Variants in CENPL observed in about 807,000 individuals in gnomAD.
CENPL encodes centromere protein L.
Under a neutral mutation model 35.2 loss-of-function variants are expected in CENPL, and 20 were observed. The observed-to-expected ratio is 0.57, with a 90% CI of 0.40 to 0.83. The LOEUF (loss-of-function observed/expected upper bound fraction) is 0.83, where lower values mean the gene tolerates loss of function less well. CENPL is among the 40% of genes least tolerant of loss of function. The pLI is 0.00. For missense variants in CENPL, 363 were observed against 395.8 expected (o/e 0.92, Z 0.70); for synonymous variants, 140 against 140.6 (o/e 1.00, Z 0.03).
chr1:173,804,444 A>G (rs534075077), intron 4 of CENPL, among the ~76,000 whole-genome samples: 1 of 152,358 alleles, frequency 6.6e-6, no homozygotes, highest in Non-Finnish European at 1.5e-5. Context: ...ATTATTCTGC[A>G]TAGGAATCAT....
chr1:173,816,238 C>A (rs1261341133), intron 2 of CENPL, among the ~76,000 whole-genome samples: 1 of 152,072 alleles, frequency 6.6e-6, no homozygotes, highest in East Asian at 1.9e-4. Flanking sequence ...GAATCAATAT[C>A]GTGAAAATGG....
chr1:173,802,944 C>A lies in CENPL; in HGVS notation c.963+19G>T. 1.3e-6 allele frequency: 2 copies of A among 1,537,352 alleles called. No individual in the cohort carries two copies. Among genetic ancestry groups the A allele is most frequent in the Non-Finnish European group, 1.8e-6 (2 of 1,131,872 alleles). ...CATAAAACAAGGAAAAATTACTTAA[C>A]TAGATTGTTCAAACTAACCTTTATT... On this transcript the variant is annotated intron_variant, in intron 5 of 5. Coordinates refer to ENST00000682279, the MANE Select transcript of CENPL (RefSeq NM_001387287.1).
At chr1:173,819,420 G>A (rs556224569) in intron 2 of CENPL, among the ~76,000 whole-genome samples, 4 of 151,650 alleles carry the variant, frequency 2.6e-5, no homozygotes, top group South Asian at 2.1e-4. Flanking sequence ...GTGAAACTCC[G>A]TCTCTACTAG....
intron 2 of CENPL, among the ~76,000 whole-genome samples, chr1:173,815,523 T>G (rs753450069): frequency 3.9e-5 from 6 of 152,196 alleles, no homozygotes; most frequent in Non-Finnish European, 7.3e-5. Flanking sequence ...GATGCGAGGC[T>G]GGTTCAACAT....
intron 4 of CENPL, chr1:173,806,632 T>C (rs1447461570): frequency 3.7e-6 from 1 of 269,390 alleles, no homozygotes; most frequent in Non-Finnish European, 7.5e-6. Flanking sequence ...TATTCCTTCC[T>C]GTAAGTAGTA....
chr1:173,818,118 C>A (rs571265195), intron 2 of CENPL, among the ~76,000 whole-genome samples: 1 of 152,070 alleles, frequency 6.6e-6, no homozygotes, highest in Non-Finnish European at 1.5e-5. Flanking sequence ...CAAACCTGCA[C>A]ATTTTGCACA....
At chr1:173,816,408 G>A (rs899871730) in intron 2 of CENPL, among the ~76,000 whole-genome samples, 1 of 152,156 alleles carries the variant, frequency 6.6e-6, no homozygotes, top group African/African-American at 2.4e-5. Flanking sequence ...AAAGCTGGAG[G>A]CATCATGCCA....
rs771407346 is a variant in CENPL at position 173,811,138 on chromosome 1, C to A, written c.162G>T (p.Gln54His). 3 of 1,611,312 alleles carry A rather than the reference C, an allele frequency of 1.9e-6. No homozygotes were observed. Among genetic ancestry groups the A allele is most frequent in the Non-Finnish European group, 2.5e-6 (3 of 1,177,830 alleles). The change falls in exon 3 of 6, where the codon CAG (glutamine) becomes CAT (histidine). Residue 54 changes from glutamine (Q) to histidine (H), a missense_variant. Gln to His is a conservative substitution (Grantham distance 24). Coordinates refer to ENST00000682279, the MANE Select transcript of CENPL (RefSeq NM_001387287.1). ...PPRRKIPQCS[Q>H]LQEDVDPQKV... Reference sequence around the variant, plus strand: ...AGGGACACAAAAAGCATACCTGCAACTGCGAACACTGGGGAATTTTCCTTC... The same window carrying A: ...AGGGACACAAAAAGCATACCTGCAAATGCGAACACTGGGGAATTTTCCTTC...
chr1:173,810,790 G>A (rs1000877074), intron 3 of CENPL, among the ~76,000 whole-genome samples: 10 of 152,078 alleles, frequency 6.6e-5, no homozygotes, highest in South Asian at 2.1e-4. Context: ...GCATGGTAGC[G>A]GGCGCCTGTA....
Position 173,812,162 on chromosome 1 carries a change from A to T in CENPL, c.-7-856T>A, listed in dbSNP as rs985094129. On this transcript the variant is annotated intron_variant, in intron 2 of 5. Transcript: ENST00000682279. Reference sequence around the variant, plus strand: ...GCTTGAGTAGGTAAACAAAGTGGCCATGAAGCTCAAACTGGGCGAAGCCCA... The same window carrying T: ...GCTTGAGTAGGTAAACAAAGTGGCCTTGAAGCTCAAACTGGGCGAAGCCCA... Among the ~76,000 whole-genome samples, 6 of 151,356 alleles carry T rather than the reference A, an allele frequency of 4.0e-5. No individual in the cohort carries two copies. In the South Asian group the frequency reaches 1.3e-3, roughly 33 times the overall value.
rs1401540117 is a variant in CENPL at position 173,800,300 on chromosome 1, G to A, written c.*148C>T. 3 of 514,092 alleles carry A rather than the reference G, an allele frequency of 5.8e-6. No homozygotes were observed. The highest frequency in any genetic ancestry group is 1.9e-5 in the African/African-American group (1 of 51,430). 31.8% of individuals were successfully genotyped at this position (514,092 alleles called of 1,614,324 possible). ...TTCTTTGTTCTTCTAGATCCTTCTTGGCTTCCATCTTGGCAACTCCAAAGG... is the reference window on the plus strand; with the variant it reads ...TTCTTTGTTCTTCTAGATCCTTCTTAGCTTCCATCTTGGCAACTCCAAAGG... On this transcript the variant is annotated 3_prime_UTR_variant, in exon 6 of 6. Transcript: ENST00000682279.
chr1:173,818,245 C>A (rs1651611039), intron 2 of CENPL, among the ~76,000 whole-genome samples: 1 of 152,148 alleles, frequency 6.6e-6, no homozygotes, highest in Non-Finnish European at 1.5e-5. Context: ...TAAGAGTTCT[C>A]CGTATCCAGA....
At chr1:173,806,350 C>A in intron 4 of CENPL, 1 of 341,012 alleles carries the variant, frequency 2.9e-6, no homozygotes, top group Non-Finnish European at 6.0e-6. Context: ...CTTTGGGAGG[C>A]CAAGGTGGGT....
chr1:173,801,578 T>C (rs1354769903), intron 5 of CENPL, among the ~76,000 whole-genome samples: 1 of 150,116 alleles, frequency 6.7e-6, no homozygotes, highest in Non-Finnish European at 1.5e-5. Context: ...CCCAACACTT[T>C]AGGAGGCCAA....
intron 2 of CENPL, among the ~76,000 whole-genome samples, chr1:173,814,120 G>C (rs987560485): frequency 1.3e-5 from 2 of 152,104 alleles, no homozygotes; most frequent in Non-Finnish European, 2.9e-5. Flanking sequence ...TCAACAAGAA[G>C]AGCTAACTAC....
At chr1:173,814,851 G>A (rs1266287064) in intron 2 of CENPL, among the ~76,000 whole-genome samples, 1 of 152,024 alleles carries the variant, frequency 6.6e-6, no homozygotes, top group Non-Finnish European at 1.5e-5. Context: ...AACTGAAGGA[G>A]ATAGAAACAC....
At chr1:173,815,373 G>A (rs182340870) in intron 2 of CENPL, among the ~76,000 whole-genome samples, 17 of 152,204 alleles carry the variant, frequency 1.1e-4, no homozygotes, top group Non-Finnish European at 2.1e-4. Context: ...GCCTGGCAGA[G>A]ACACAACAAA....
intron 4 of CENPL, among the ~76,000 whole-genome samples, chr1:173,807,023 A>G (rs1388964243): frequency 1.3e-5 from 2 of 152,164 alleles, no homozygotes; most frequent in East Asian, 1.9e-4. Flanking sequence ...TATGATCCCA[A>G]TTTCAAGACT....
chr1:173,817,151 A>G lies in CENPL; in HGVS notation c.-7-5845T>C, dbSNP rs1571966605. ...AGACTCCGTCTCAGAAAAAAAAGAA[A>G]GCAAAAAAATAAATAAATAAATACT... On this transcript the variant is annotated intron_variant, in intron 2 of 5. Transcript: ENST00000682279. 2.7e-5 allele frequency among the ~76,000 whole-genome samples: 4 copies of G among 146,894 alleles called. No individual in the cohort carries two copies. In the East Asian group the frequency reaches 7.7e-4, roughly 28 times the overall value.
Sources: allele counts gnomAD v4.1 joint callset (sites outside exome capture counted in the v4.1 genomes callset), GRCh38; gene constraint gnomAD v4.1.1; transcripts MANE v1.5; gene names NCBI Gene and HGNC (gene_info 2026-07-23, HGNC 2026-07-21).